Variants in PGAP6 observed in about 807,000 individuals in gnomAD.
PGAP6 encodes post-GPI attachment to proteins factor 6.
Under a neutral mutation model 68.4 loss-of-function variants are expected in PGAP6, and 62 were observed. That is an observed-to-expected ratio of 0.91 (90% CI 0.74 to 1.12). PGAP6 has a LOEUF of 1.12. Among genes scored for constraint, PGAP6 ranks in the 50% most tolerant of loss-of-function variants. The probability of loss-of-function intolerance (pLI) is 0.00; values close to 1 mark genes in which losing one functional copy is unlikely to be tolerated. For synonymous variants in PGAP6, 575 were observed against 474.0 expected (o/e 1.21, Z -2.77); for missense variants, 1,188 against 1,068.5 (o/e 1.11, Z -1.56).
intron 9 of PGAP6, 146 bp from the exon 10 acceptor site, chr16:374,545 C>A (rs1038531115): frequency 3.6e-6 from 4 of 1,118,796 alleles, no homozygotes; most frequent in South Asian, 3.3e-5. Context: ...GGTCAGGAGG[C>A]AGTACCACCC....
intron 1 of PGAP6, among the ~76,000 whole-genome samples, chr16:381,028 C>A (rs2054432878): frequency 1.3e-5 from 2 of 152,268 alleles, no homozygotes; most frequent in South Asian, 4.1e-4. Flanking sequence ...AGGGCTACGC[C>A]TTCTCCCTGG....
chr16:386,887 C>T (rs139874179), upstream of PGAP6: 223 of 631,504 alleles, frequency 3.5e-4, no homozygotes, highest in Admixed American at 1.2e-3. Flanking sequence ...AAGACCCGCA[C>T]GTCACTCACC....
chr16:372,518 G>C, intron 12 of PGAP6, 93 bp downstream of exon 12: 1 of 1,107,256 alleles, frequency 9.0e-7, no homozygotes, highest in Middle Eastern at 2.0e-4. Flanking sequence ...GCATTCACTG[G>C]TTGGAGCAGG....
intron 1 of PGAP6, among the ~76,000 whole-genome samples, chr16:380,917 G>C (rs2054431701): frequency 6.6e-6 from 1 of 152,220 alleles, no homozygotes; most frequent in African/African-American, 2.4e-5. Flanking sequence ...AAAGGACACG[G>C]CCCCTCCAGA....
chr16:378,663 T>TCC (rs1475522190), intron 1 of PGAP6, among the ~76,000 whole-genome samples: 2 of 152,232 alleles, frequency 1.3e-5, no homozygotes, highest in African/African-American at 4.8e-5. Context: ...TCCCACCTCC[T>TCC]CTCAGCCTCC....
intron 1 of PGAP6, 109 bp downstream of exon 1, chr16:381,592 C>T: frequency 1.1e-6 from 1 of 927,192 alleles, no homozygotes; most frequent in Non-Finnish European, 1.3e-6. Context: ...GGACCCCCAA[C>T]CCCGCGCCGG....
rs752894587 is a variant in PGAP6, at chr16:374,805, G to A, written c.1527C>T (p.Leu509=). The change falls in exon 9 of 13, where the codon CTC becomes CTT. Residue 509 remains leucine, a synonymous_variant. Coordinates refer to ENST00000431232, the MANE Select transcript of PGAP6 (RefSeq NM_021259.3). ...ACAGGTAGCTGTGTCTGCGGAGCAG[G>A]AGGCACTGGCCATAGGGTCCACAAT... ...LNDCGPYGQC[L]LLRRHSYLYA... is the part of the protein sequence containing the mutation. 3.7e-6 allele frequency: 6 copies of A among 1,612,892 alleles called. No homozygotes were observed. The highest frequency in any genetic ancestry group is 1.1e-5 in the South Asian group (1 of 91,084).
upstream of PGAP6, chr16:383,476 T>C (rs551905392): frequency 6.6e-6 from 1 of 152,232 alleles, no homozygotes. Flanking sequence ...TGAGTCAATG[T>C]GGCACCGCCT....
At position 375,275 on chromosome 16, in the gene PGAP6, GC is replaced by G. The variant is rs753530899; in HGVS notation, c.1316-20del. On this transcript the variant is annotated intron_variant, in intron 7 of 12. Transcript: ENST00000431232. ...AAGAAGGCTGCAGGGGAGCCAGAGG[GC>G]CCCATCAGAGGAGGCCGGGGCGGGG... 1 of 1,612,808 alleles carries G rather than the reference GC, an allele frequency of 6.2e-7. No homozygotes were observed. The highest frequency in any genetic ancestry group is 8.5e-7 in the Non-Finnish European group (1 of 1,179,912).
rs181421378 is a variant in PGAP6 at position 371,701 on chromosome 16, C to T, written c.*286G>A. The T allele has an allele frequency of 1.4e-5, 6 of 431,234 alleles. No homozygotes were observed. Among genetic ancestry groups the T allele is most frequent in the South Asian group, 1.1e-4 (5 of 43,762 alleles). 26.7% of individuals were successfully genotyped at this position (431,234 alleles called of 1,614,324 possible). ...CCAGCAGAGCACACAGCCCCACCCTCGCACAGGCACCTGTGGTCTCCAAGT... is the reference window on the plus strand; with the variant it reads ...CCAGCAGAGCACACAGCCCCACCCTTGCACAGGCACCTGTGGTCTCCAAGT... On this transcript the variant is annotated 3_prime_UTR_variant, in exon 13 of 13. Transcript: ENST00000431232.
At position 377,113 on chromosome 16, in the gene PGAP6, G is replaced by A. The variant is rs202157156; in HGVS notation, c.559C>T (p.Arg187Trp). Reference sequence around the variant, plus strand: ...TCCATGATGGAAATCTCGACCACCCGCGTGACCAGCAGTTCAGGCTGGAAG... The same window carrying A: ...TCCATGATGGAAATCTCGACCACCCACGTGACCAGCAGTTCAGGCTGGAAG... ...YVFQPELLVT[R>W]VVEISIMEPD... Residue 187 changes from arginine to tryptophan, a missense_variant, in exon 4 of 13, where the codon CGG becomes TGG. Physicochemically the swap from Arg to Trp is moderately radical, Grantham distance 101. Transcript: ENST00000431232. The A allele has an allele frequency of 2.7e-5, 43 of 1,613,648 alleles. No homozygotes were observed. The Admixed American group carries it at 3.8e-4, about 14-fold the overall frequency.
intron 1 of PGAP6, among the ~76,000 whole-genome samples, chr16:379,870 C>T (rs2054423106): frequency 6.6e-6 from 1 of 152,224 alleles, no homozygotes; most frequent in Middle Eastern, 3.2e-3. Flanking sequence ...GCCGAGGTGA[C>T]CACAGGGTGA....
At chr16:382,091 A>ACGTGGGGCGCCGGG (rs1597167638), upstream of PGAP6, 3 of 286,606 alleles carry the variant, frequency 1.0e-5, no homozygotes, top group Non-Finnish European at 1.8e-5. Flanking sequence ...GGGCGCCGGT[A>ACGTGGGGCGCCGGG]GGGGGGAGGG....
Position 371,855 on chromosome 16 carries a change from G to A in PGAP6, c.*132C>T. 2.1e-6 allele frequency: 2 copies of A among 957,056 alleles called. No homozygotes were observed. The highest frequency in any genetic ancestry group is 2.6e-5 in the Admixed American group (1 of 38,296). 59.3% of individuals were successfully genotyped at this position (957,056 alleles called of 1,614,324 possible). On this transcript the variant is annotated 3_prime_UTR_variant, in exon 13 of 13. Coordinates refer to ENST00000431232, the MANE Select transcript of PGAP6 (RefSeq NM_021259.3). Reference sequence around the variant, plus strand: ...GGGGTGGCCCTCTCCTCAGTAGGAGGAAGTAAGAGGGTATCTAGGCCAATT... The same window carrying A: ...GGGGTGGCCCTCTCCTCAGTAGGAGAAAGTAAGAGGGTATCTAGGCCAATT...
intron 11 of PGAP6, among the ~76,000 whole-genome samples, chr16:373,322 C>G (rs2054351007): frequency 6.6e-6 from 1 of 152,224 alleles, no homozygotes; most frequent in South Asian, 2.1e-4. Context: ...GCTCACAAGC[C>G]CAGGGCATGA....
chr16:381,038 G>C (rs966499921), intron 1 of PGAP6, among the ~76,000 whole-genome samples: 1 of 152,250 alleles, frequency 6.6e-6, no homozygotes, highest in African/African-American at 2.4e-5. Flanking sequence ...CTTCTCCCTG[G>C]TCCAGCCGCC....
At chr16:380,458 C>T (rs926031487) in intron 1 of PGAP6, among the ~76,000 whole-genome samples, 1 of 152,008 alleles carries the variant, frequency 6.6e-6, no homozygotes, top group African/African-American at 2.4e-5. Flanking sequence ...CCTCTGCCTC[C>T]CGGGTTCAAG....
At chr16:375,533 C>CTTT (rs373943287) in intron 6 of PGAP6, 98 bp from the exon 7 acceptor site, 463 of 751,006 alleles carry the variant, frequency 6.2e-4, no homozygotes, top group Middle Eastern at 1.6e-3. Flanking sequence ...TGGTGCCTTT[C>CTTT]TTTTTTTTTT....
chr16:373,620 G>A (rs771869213), intron 11 of PGAP6, among the ~76,000 whole-genome samples: 1 of 152,326 alleles, frequency 6.6e-6, no homozygotes, highest in Middle Eastern at 3.4e-3. Context: ...TCACTCCAAC[G>A]CCTCCAATGC....
Sources: allele counts gnomAD v4.1 joint callset (sites outside exome capture counted in the v4.1 genomes callset), GRCh38; gene constraint gnomAD v4.1.1; transcripts MANE v1.5; gene names NCBI Gene and HGNC (gene_info 2026-07-23, HGNC 2026-07-21).